NID1: variants seen among roughly 807,000 people sequenced by gnomAD.
NID1 encodes nidogen-1.
Under a neutral mutation model 130.6 loss-of-function variants are expected in NID1, and 76 were observed. The ratio of observed to expected loss-of-function variants is 0.58; its 90% CI spans 0.48 to 0.70. The LOEUF is 0.70. Among genes scored for constraint, NID1 ranks in the 30% least tolerant of loss-of-function variants. The pLI, the probability that NID1 is intolerant of heterozygous loss-of-function variation, is 0.00. For synonymous variants in NID1, 665 were observed against 675.1 expected (o/e 0.98, Z 0.23); for missense variants, 1,517 against 1,664.8 (o/e 0.91, Z 1.54).
intron 12 of NID1, among the ~76,000 whole-genome samples, chr1:236,003,546 C>T (rs908143751): frequency 5.9e-5 from 9 of 152,154 alleles, no homozygotes; most frequent in East Asian, 1.9e-4. Context: ...GGAAGGAGGG[C>T]GAGACCAATT....
chr1:236,040,383 C>A (rs1453605117), intron 4 of NID1, among the ~76,000 whole-genome samples: 2 of 152,152 alleles, frequency 1.3e-5, no homozygotes. Flanking sequence ...CAGTAAGCAC[C>A]CCATCTCGTC....
At position 236,024,124 on chromosome 1, in the gene NID1, G is replaced by C. The variant is rs1382222468; in HGVS notation, c.2074C>G (p.Gln692Glu). Residue 692 changes from glutamine (Q) to glutamate (E), a missense_variant, in exon 9 of 20, where the codon CAG becomes GAG. By Grantham distance (29) the Gln-to-Glu change is conservative. Coordinates refer to ENST00000264187, the MANE Select transcript of NID1 (RefSeq NM_002508.3). ...CCGATGGAGCACTCGCAGGTGAACTGTGTCCTGGGACCAGGGCGACAGGCC... is the reference window on the plus strand; with the variant it reads ...CCGATGGAGCACTCGCAGGTGAACTCTGTCCTGGGACCAGGGCGACAGGCC... ...NAACRPGPRTQFTCECSIGFR... is the reference protein window; with the variant it reads ...NAACRPGPRTEFTCECSIGFR... The C allele has an allele frequency of 1.2e-6, 2 of 1,614,246 alleles. No homozygotes were observed. The highest frequency in any genetic ancestry group is 1.1e-5 in the South Asian group (1 of 91,084).
Position 235,979,884 on chromosome 1 carries a change from C to G in NID1, c.3447G>C (p.Gly1149=), listed in dbSNP as rs1417625328. The part of the protein sequence containing the change: ...SQPSRRKALE[G]LQYPFAVTSY... ...TCGTCACAGCAAAAGGATACTGGAGCCCTTCGAGAGCCTTGCGTCTGCTGG... is the reference window on the plus strand; with the variant it reads ...TCGTCACAGCAAAAGGATACTGGAGGCCTTCGAGAGCCTTGCGTCTGCTGG... The change falls in exon 18 of 20, where the codon GGG becomes GGC. Residue 1149 remains glycine, a synonymous_variant. Transcript: ENST00000264187. This position sits in a 1 kb window ranked among gnomAD's most constrained non-coding sequence, Gnocchi z 4.6. The G allele has an allele frequency of 6.2e-7, 1 of 1,614,146 alleles. No individual in the cohort carries two copies. The highest frequency in any genetic ancestry group is 8.5e-7 in the Non-Finnish European group (1 of 1,179,992).
At chr1:236,031,244 G>A (rs969424316) in intron 6 of NID1, among the ~76,000 whole-genome samples, 4 of 151,718 alleles carry the variant, frequency 2.6e-5, no homozygotes, top group East Asian at 3.9e-4. Context: ...TCAGCCTCCC[G>A]AGTAGCTGGG....
rs552411746 is a variant in NID1, at chr1:236,047,942, C to T, written c.525+748G>A. Among the ~76,000 whole-genome samples, 57 of 137,812 alleles carry T rather than the reference C, an allele frequency of 4.1e-4. 1 individual carries two copies. The South Asian group carries it at 0.014, about 33-fold the overall frequency. The allele number at this position is 137,812 out of a possible 152,430, so 90.4% of individuals were successfully genotyped here. On this transcript the variant is annotated intron_variant, in intron 2 of 19. Transcript: ENST00000264187. ...TCGGGAGGCTGAGGCACAATAATTG[C>T]TTGAACCTGGGAGGTGGAGGCTGCA...
At chr1:236,048,177 C>CA (rs1276018913) in intron 2 of NID1, among the ~76,000 whole-genome samples, 2 of 147,790 alleles carry the variant, frequency 1.4e-5, no homozygotes, top group Admixed American at 6.8e-5. Flanking sequence ...ACTAAAAATA[C>CA]AAAAAAAACC....
intron 12 of NID1, among the ~76,000 whole-genome samples, chr1:235,997,424 T>C (rs1254688706): frequency 6.6e-6 from 1 of 152,142 alleles, no homozygotes; most frequent in African/African-American, 2.4e-5. Flanking sequence ...GCATTACCAG[T>C]TATGTTAAGG....
At chr1:236,002,503 A>AAAAC (rs71174487) in intron 12 of NID1, among the ~76,000 whole-genome samples, 52,238 of 150,618 alleles carry the variant, frequency 0.35, 9,549 homozygotes, top group Non-Finnish European at 0.4. Flanking sequence ...ACTCTGTCTA[A>AAAAC]AAACAAACAA....
intron 4 of NID1, among the ~76,000 whole-genome samples, chr1:236,039,304 T>C (rs1179396202): frequency 6.6e-6 from 1 of 151,088 alleles, no homozygotes; most frequent in Non-Finnish European, 1.5e-5. Flanking sequence ...CCTTAAAATA[T>C]GTACATATAT....
At chr1:236,016,090 G>A (rs953642361) in intron 10 of NID1, among the ~76,000 whole-genome samples, 1 of 151,934 alleles carries the variant, frequency 6.6e-6, no homozygotes, top group Non-Finnish European at 1.5e-5. Context: ...GTTTGAATCT[G>A]CTTAGCCTCA....
chr1:235,986,042 C>A (rs1491000733), intron 14 of NID1, among the ~76,000 whole-genome samples: 1 of 152,116 alleles, frequency 6.6e-6, no homozygotes, highest in Non-Finnish European at 1.5e-5. Context: ...ATTACCAGCA[C>A]CAGCCACTGC....
chr1:236,021,322 C>T (rs535602552), intron 9 of NID1, among the ~76,000 whole-genome samples: 6 of 152,318 alleles, frequency 3.9e-5, no homozygotes, highest in African/African-American at 1.4e-4. Flanking sequence ...CCTAGCGATA[C>T]GTTACCAGGA....
intron 5 of NID1, among the ~76,000 whole-genome samples, chr1:236,037,773 A>G (rs927382564): frequency 5.9e-5 from 9 of 152,188 alleles, no homozygotes; most frequent in African/African-American, 2.2e-4. Context: ...GACATAAACA[A>G]TTCTTTGTCC....
chr1:236,052,635 C>T (rs989487050), intron 1 of NID1, among the ~76,000 whole-genome samples: 6 of 152,178 alleles, frequency 3.9e-5, no homozygotes, highest in Non-Finnish European at 5.9e-5. Context: ...CTGGAGCCAC[C>T]GTCTGTGTGG....
Position 235,976,058 on chromosome 1 carries a change from A to G in NID1, c.*1809T>C, listed in dbSNP as rs1657238272. 1 of 152,476 alleles carries G rather than the reference A, an allele frequency of 6.6e-6. No individual in the cohort carries two copies. The highest frequency in any genetic ancestry group is 1.5e-5 in the Non-Finnish European group (1 of 68,048). The allele number at this position is 152,476 out of a possible 1,614,324, so 9.4% of individuals were successfully genotyped here. On this transcript the variant is annotated 3_prime_UTR_variant, in exon 20 of 20. Transcript: ENST00000264187. ...ATGAACATTTGATATAGAGGGTTTA[A>G]TATGAAACGATAAATACAAAAAGTG...
intron 1 of NID1, 105 bp downstream of exon 1, chr1:236,064,750 G>C: frequency 9.5e-7 from 1 of 1,047,174 alleles, no homozygotes. Flanking sequence ...GGCGGCCAGC[G>C]GGTCCGGGTC....
chr1:236,033,422 C>G (rs1267650467), intron 5 of NID1, among the ~76,000 whole-genome samples: 3 of 152,190 alleles, frequency 2.0e-5, no homozygotes, highest in Admixed American at 6.5e-5. Flanking sequence ...CTATAACACA[C>G]TTTAATAAAC....
intron 12 of NID1, 59 bp from the exon 13 acceptor site, chr1:235,993,931 G>A: frequency 6.6e-7 from 1 of 1,525,008 alleles, no homozygotes; most frequent in Non-Finnish European, 8.9e-7. Context: ...AGCGCTCCCT[G>A]GCGGGGCTGC....
At chr1:235,986,668 C>T (rs1205271053) in intron 14 of NID1, among the ~76,000 whole-genome samples, 1 of 152,166 alleles carries the variant, frequency 6.6e-6, no homozygotes, top group Non-Finnish European at 1.5e-5. Flanking sequence ...CACTATGTTG[C>T]CCAGGCTGGT....
Sources: allele counts gnomAD v4.1 joint callset (sites outside exome capture counted in the v4.1 genomes callset), GRCh38; gene constraint gnomAD v4.1.1; non-coding constraint Gnocchi (gnomAD v3.1); transcripts MANE v1.5; gene names NCBI Gene and HGNC (gene_info 2026-07-23, HGNC 2026-07-21).